Variants in FBXO3 observed in about 807,000 individuals in gnomAD.
FBXO3 encodes F-box only protein 3.
A neutral mutation model predicts 64.8 loss-of-function variants in FBXO3; 17 were observed. The observed-to-expected ratio is 0.26, with a 90% CI of 0.18 to 0.39. The LOEUF is 0.39. Among genes scored for constraint, FBXO3 ranks in the 10% least tolerant of loss-of-function variants. FBXO3 has a pLI of 1.00. For missense variants in FBXO3, 420 were observed against 589.9 expected, an observed-to-expected ratio of 0.71 and a Z score of 2.98; for synonymous variants, 182 against 201.6, an observed-to-expected ratio of 0.90 and a Z score of 0.82.
At chr11:33,757,955 C>CAAA (rs1285714596) in intron 4 of FBXO3, among the ~76,000 whole-genome samples, 4 of 86,464 alleles carry the variant, frequency 4.6e-5, no homozygotes, top group Admixed American at 1.2e-4. Flanking sequence ...GACCCTGTCT[C>CAAA]AAAAAAAAAA....
At chr11:33,744,866 T>A (rs888452852) in intron 10 of FBXO3, 9 of 152,320 alleles carry the variant, frequency 5.9e-5, no homozygotes, top group African/African-American at 2.2e-4. Context: ...ATTAATACAA[T>A]CCACATAAGC....
At chr11:33,746,068 A>G (rs1854806469) in intron 10 of FBXO3, 1 of 152,212 alleles carries the variant, frequency 6.6e-6, no homozygotes, top group Admixed American at 6.5e-5. Flanking sequence ...AACTGAAACA[A>G]GAAGAAATAG....
intron 3 of FBXO3, among the ~76,000 whole-genome samples, chr11:33,768,596 T>C (rs749951951): frequency 2.0e-5 from 3 of 152,180 alleles, no homozygotes; most frequent in African/African-American, 7.2e-5. Context: ...ACTACTTTCT[T>C]AATAGAAAAC....
rs1312204701 is a variant in FBXO3 at position 33,740,986 on chromosome 11, TGAA to T, written c.*919_*921del. On this transcript the variant is annotated 3_prime_UTR_variant, in exon 11 of 11. Transcript: ENST00000265651. ...TTTTAAAATGTGAGTTTTTAACACT[TGAA>T]GGATTTCATTCTTAACTCTCAATTA... The T allele has an allele frequency of 6.5e-6, 1 of 152,688 alleles. No individual in the cohort carries two copies. Among genetic ancestry groups the T allele is most frequent in the Non-Finnish European group, 1.5e-5 (1 of 68,044 alleles). The allele number at this position is 152,688 out of a possible 1,614,324, so 9.5% of individuals were successfully genotyped here.
chr11:33,769,110 T>C, intron 2 of FBXO3, 96 bp from the exon 3 acceptor site: 1 of 1,008,776 alleles, frequency 9.9e-7, no homozygotes. Context: ...TACTTTTCCC[T>C]TCCTTTTCAT....
intron 7 of FBXO3, 151 bp from the exon 8 acceptor site, chr11:33,750,812 T>A (rs1346559337): frequency 1.1e-5 from 7 of 617,086 alleles, no homozygotes; most frequent in Non-Finnish European, 1.9e-5. Flanking sequence ...TATTAAACTT[T>A]GAAGGAAACT....
chr11:33,758,617 A>T lies in FBXO3; in HGVS notation c.359-16T>A, dbSNP rs1522086. 0.19 allele frequency: 299,401 copies of T among 1,548,462 alleles called. 30,834 individuals are homozygous for T. The highest frequency in any genetic ancestry group is 0.21 in the Non-Finnish European group (240,102 of 1,134,624). On this transcript the variant is annotated splice_polypyrimidine_tract_variant and intron_variant, in intron 3 of 10. Transcript: ENST00000265651. ...CGAGCACCCTCTATAAAGGCACAAA[A>T]AAGAGTGAATTGTGAAGAAACAGCC...
At chr11:33,774,360 G>A (rs1360286004) in intron 1 of FBXO3, 34 bp downstream of exon 1, 1 of 1,407,926 alleles carries the variant, frequency 7.1e-7, no homozygotes, top group Admixed American at 1.9e-5. Context: ...CTCTCCCCAT[G>A]CCCCCACCCC....
In FBXO3 at chr11:33,758,409, T is replaced by C. The variant is rs1855160832; in HGVS notation, c.473+78A>G. Reference sequence around the variant, plus strand: ...GCTTCTTTAATTTGTTAAGGGTAACTACAAATACAATTTATTTACTTTCAT... The same window carrying C: ...GCTTCTTTAATTTGTTAAGGGTAACCACAAATACAATTTATTTACTTTCAT... On this transcript the variant is annotated intron_variant, in intron 4 of 10. Coordinates refer to ENST00000265651, the MANE Select transcript of FBXO3 (RefSeq NM_012175.4). 4 of 1,090,016 alleles carry C rather than the reference T, an allele frequency of 3.7e-6. No homozygotes were observed. The Admixed American group carries it at 8.6e-5, about 23-fold the overall frequency. 67.5% of individuals were successfully genotyped at this position (1,090,016 alleles called of 1,614,324 possible).
chr11:33,764,210 A>T (rs1855311959), intron 3 of FBXO3, among the ~76,000 whole-genome samples: 1 of 152,242 alleles, frequency 6.6e-6, no homozygotes, highest in African/African-American at 2.4e-5. Flanking sequence ...GTTACACTCA[A>T]AAAGATTGAA....
Position 33,741,829 on chromosome 11 carries a change from C to G in FBXO3, c.*79G>C. 1 of 1,390,806 alleles carries G rather than the reference C, an allele frequency of 7.2e-7. No homozygotes were observed. The highest frequency in any genetic ancestry group is 9.5e-7 in the Non-Finnish European group (1 of 1,052,888). The allele number at this position is 1,390,806 out of a possible 1,614,324, so 86.2% of individuals were successfully genotyped here. ...TAGTTTTCCTGCTATATGCAGAGAACAATTTAGTTATTTACATTATTGAGA... is the reference window on the plus strand; with the variant it reads ...TAGTTTTCCTGCTATATGCAGAGAAGAATTTAGTTATTTACATTATTGAGA... On this transcript the variant is annotated 3_prime_UTR_variant, in exon 11 of 11. Coordinates refer to ENST00000265651, the MANE Select transcript of FBXO3 (RefSeq NM_012175.4).
In FBXO3 at chr11:33,743,215, G is replaced by A. The variant is rs568288982; in HGVS notation, c.1240-1131C>T. ...AATCACAGTGTCACTTTGCCGATTC[G>A]TTATAAGTATATATCTAAGATCAAC... is the stretch of plus-strand genomic sequence containing the variant. On this transcript the variant is annotated intron_variant, in intron 10 of 10. Transcript: ENST00000265651. The surrounding 1 kb of genome is among the most constrained non-coding windows in gnomAD (Gnocchi z 4.6). 2.0e-5 allele frequency: 3 copies of A among 152,312 alleles called. No homozygotes were observed. The highest frequency in any genetic ancestry group is 4.1e-4 in the South Asian group (2 of 4,828). The allele number at this position is 152,312 out of a possible 1,614,324, so 9.4% of individuals were successfully genotyped here.
At chr11:33,744,845 A>G (rs1004487202) in intron 10 of FBXO3, 12 of 152,246 alleles carry the variant, frequency 7.9e-5, no homozygotes, top group Non-Finnish European at 1.5e-4. Context: ...TTAATTTCTG[A>G]TATGGTAAGC....
At chr11:33,758,723 G>T in intron 3 of FBXO3, 122 bp from the exon 4 acceptor site, 2 of 560,550 alleles carry the variant, frequency 3.6e-6, no homozygotes, top group South Asian at 3.8e-5. Flanking sequence ...AAAATATATG[G>T]CTGAAATAGA....
intron 9 of FBXO3, 134 bp from the exon 10 acceptor site, chr11:33,747,454 G>C: frequency 4.5e-6 from 3 of 666,584 alleles, no homozygotes; most frequent in Non-Finnish European, 2.5e-6. Context: ...AATTCCAAAA[G>C]AAAATGTAAC....
Position 33,747,419 on chromosome 11 carries a change from T to C in FBXO3, c.1049-99A>G, listed in dbSNP as rs553994708. The C allele has an allele frequency of 3.1e-5, 29 of 943,746 alleles. No individual in the cohort carries two copies. The Admixed American group carries it at 4.3e-4, about 14-fold the overall frequency. 58.5% of individuals were successfully genotyped at this position (943,746 alleles called of 1,614,324 possible). ...CCATGGCATTATGTAAACTATATAA[T>C]AGTAAATGCACAGTTAGAAAAAAAA... On this transcript the variant is annotated intron_variant, in intron 9 of 10. Coordinates refer to ENST00000265651, the MANE Select transcript of FBXO3 (RefSeq NM_012175.4).
At chr11:33,753,096 T>C (rs1484144891) in intron 6 of FBXO3, 1 of 152,234 alleles carries the variant, frequency 6.6e-6, no homozygotes, top group East Asian at 1.9e-4. Flanking sequence ...ATTTATATGT[T>C]CTAAGGTAAT....
rs201039770 is a variant in FBXO3, at chr11:33,774,423, T to A, written c.75A>T (p.Leu25Phe). The A allele has an allele frequency of 6.2e-7, 1 of 1,604,896 alleles. No individual in the cohort carries two copies. Among genetic ancestry groups the A allele is most frequent in the African/African-American group, 1.4e-5 (1 of 73,836 alleles). Residue 25 changes from leucine to phenylalanine, a missense_variant, in exon 1 of 11, where the codon TTA (leucine) becomes TTT (phenylalanine). Transcript: ENST00000265651. ...TTAGATCCCGATAGTCCAAAAAGGA[T>A]AAGATGAGGAGCAGGGGATCGGTGG... Reference protein sequence around the residue: ...SLPTDPLLLILSFLDYRDLIN... With the variant: ...SLPTDPLLLIFSFLDYRDLIN...
rs1318141576 is a variant in FBXO3, at chr11:33,743,593, C to G, written c.1240-1509G>C. 1 of 152,412 alleles carries G rather than the reference C, an allele frequency of 6.6e-6. No individual in the cohort carries two copies. The highest frequency in any genetic ancestry group is 1.5e-5 in the Non-Finnish European group (1 of 68,146). The allele number at this position is 152,412 out of a possible 1,614,324, so 9.4% of individuals were successfully genotyped here. A position where few individuals can be genotyped will look rare whatever the true frequency, so the allele number is the denominator to read the frequency against. On this transcript the variant is annotated intron_variant, in intron 10 of 10. Coordinates refer to ENST00000265651, the MANE Select transcript of FBXO3 (RefSeq NM_012175.4). The surrounding 1 kb of genome is among the most constrained non-coding windows in gnomAD (Gnocchi z 4.6). ...CACCCCATTAACACTCTGATCTAAT[C>G]TCCAGCCCCTCTCCCTGTTGTTCAC...
Sources: allele counts gnomAD v4.1 joint callset (sites outside exome capture counted in the v4.1 genomes callset), GRCh38; gene constraint gnomAD v4.1.1; non-coding constraint Gnocchi (gnomAD v3.1); transcripts MANE v1.5; gene names NCBI Gene and HGNC (gene_info 2026-07-23, HGNC 2026-07-21).